The following FLG variants were observed in gnomAD, a reference collection of about 807,000 sequenced individuals.
FLG encodes filaggrin, also known as epidermal filaggrin.
In FLG, 6 loss-of-function variants were observed where a neutral mutation model predicts 3.8. That is an observed-to-expected ratio of 1.60 (90% CI 0.87 to 3.15). FLG has a LOEUF of 3.15. Among genes scored for constraint, FLG ranks in the 30% most tolerant of loss-of-function variants. The pLI is 0.00. For synonymous variants in FLG, 2,551 were observed against 1,931.6 expected, an observed-to-expected ratio of 1.32 and a Z score of -8.41; for missense variants, 7,595 against 5,050.9, an observed-to-expected ratio of 1.50 and a Z score of -15.27.
In FLG at chr1:152,309,266, A is replaced by AT. The variant is rs1652217902; in HGVS notation, c.5619dup (p.Ser1874IlefsTer14). ...CCTGAGTGCCTGGAGCCGTCTCCTG[A>AT]TTGTTTCTCATTACGTGTTTGTCTG... On this transcript the variant is annotated frameshift_variant, in exon 3 of 3. Coordinates refer to ENST00000368799, the MANE Select transcript of FLG (RefSeq NM_002016.2). LOFTEE classifies it low-confidence loss of function (END_TRUNC). 26 of 1,612,088 alleles carry AT rather than the reference A, an allele frequency of 1.6e-5. No individual in the cohort carries two copies. The highest frequency in any genetic ancestry group is 2.0e-5 in the Non-Finnish European group (24 of 1,179,544).
In FLG at chr1:152,305,083, G is replaced by A. The variant is rs546424102; in HGVS notation, c.9803C>T (p.Ala3268Val). ...HEDRAGHGHS[A>V]DRSRQSGTRH... ...AGTGCCTGATTGTCTGGAGCGGTCT[G>A]CAGAGTGCCCGTGACCGGCTCTGTC... is the stretch of plus-strand genomic sequence containing the variant. The change falls in exon 3 of 3, where the codon GCA (alanine) becomes GTA (valine). Residue 3268 changes from alanine (A) to valine (V), a missense_variant. Physicochemically the swap from Ala to Val is moderately conservative, Grantham distance 64. Transcript: ENST00000368799. 6.2e-7 allele frequency: 1 copy of A among 1,613,920 alleles called. No homozygotes were observed. The highest frequency in any genetic ancestry group is 2.2e-5 in the East Asian group (1 of 44,852).
chr1:152,319,065 GA>G (rs1181657635), intron 1 of FLG, among the ~76,000 whole-genome samples: 1 of 151,616 alleles, frequency 6.6e-6, no homozygotes, highest in African/African-American at 2.4e-5. Flanking sequence ...TAGAGATATA[GA>G]AAAAGACCAA....
In FLG at chr1:152,312,448, C is replaced by T. The variant is rs200198610; in HGVS notation, c.2438G>A (p.Ser813Asn). 3 of 1,613,698 alleles carry T rather than the reference C, an allele frequency of 1.9e-6. No homozygotes were observed. Among genetic ancestry groups the T allele is most frequent in the African/African-American group, 1.3e-5 (1 of 74,874 alleles). The change falls in exon 3 of 3, where the codon AGC becomes AAC. Residue 813 changes from serine to asparagine, a missense_variant. Coordinates refer to ENST00000368799, the MANE Select transcript of FLG (RefSeq NM_002016.2). ...SESSHGWTGP[S>N]TGVRQGSHHE... ...GTGGGATCCTTGTCTTACTCCAGTG[C>T]TGGGCCCTGTCCATCCATGGGAGGA...
chr1:152,314,325 C>T lies in FLG; in HGVS notation c.561G>A (p.Lys187=), dbSNP rs146383574. ...TGTCTCCTAATCTAGTATTTTCAGT[C>T]TTGTTTTTCTCTTTTTTACTTGAGT... is the stretch of plus-strand genomic sequence containing the variant. The part of the protein sequence containing the change: ...HHNSSKKEKN[K]TENTRLGDNR... Residue 187 remains lysine (K), a synonymous_variant, in exon 3 of 3, where the codon AAG becomes AAA. Transcript: ENST00000368799. 9.4e-4 allele frequency: 1,515 copies of T among 1,612,886 alleles called. 1 individual carries two copies. Among genetic ancestry groups the T allele is most frequent in the Non-Finnish European group, 1.2e-3 (1,371 of 1,179,768 alleles).
chr1:152,310,073 C>T lies in FLG; in HGVS notation c.4813G>A (p.Glu1605Lys), dbSNP rs773221702. The change falls in exon 3 of 3, where the codon GAA (glutamate) becomes AAA (lysine). Residue 1605 changes from glutamate (E) to lysine (K), a missense_variant. Coordinates refer to ENST00000368799, the MANE Select transcript of FLG (RefSeq NM_002016.2). Reference protein sequence around the residue: ...SQDRDSEGHSEDSERRSESAS... With the variant: ...SQDRDSEGHSKDSERRSESAS... ...GACTCAGACCGCCTCTCAGAGTCTT[C>T]TGAGTGTCCCTCACTGTCCCTGTCC... 1 of 1,614,028 alleles carries T rather than the reference C, an allele frequency of 6.2e-7. No individual in the cohort carries two copies. The highest frequency in any genetic ancestry group is 1.7e-5 in the Admixed American group (1 of 60,008).
Position 152,309,914 on chromosome 1 carries a change from C to T in FLG, c.4972G>A (p.Ala1658Thr), listed in dbSNP as rs1267976615. The T allele has an allele frequency of 3.7e-6, 6 of 1,613,918 alleles. No homozygotes were observed. The highest frequency in any genetic ancestry group is 2.7e-5 in the African/African-American group (2 of 74,846). The change falls in exon 3 of 3, where the codon GCA becomes ACA. Residue 1658 changes from alanine to threonine, a missense_variant. Physicochemically the swap from Ala to Thr is moderately conservative, Grantham distance 58. Coordinates refer to ENST00000368799, the MANE Select transcript of FLG (RefSeq NM_002016.2). ...ESSRQSGTRHAETSSGGQAAS... is the reference protein window; with the variant it reads ...ESSRQSGTRHTETSSGGQAAS... ...GCCTGTCCACCAGAGGAAGTCTCTG[C>T]ATGACGAGTGCCTGATTGTCTGGAG...
Position 152,314,039 on chromosome 1 carries a change from G to A in FLG, c.847C>T (p.Pro283Ser). The change falls in exon 3 of 3, where the codon CCA becomes TCA. Residue 283 changes from proline (P) to serine (S), a missense_variant. By Grantham distance (74) the Pro-to-Ser change is moderately conservative. Transcript: ENST00000368799. ...RSRHENTSQV[P>S]LQESRTRKRR... Reference sequence around the variant, plus strand: ...TTTCTTGTCCTGGACTCCTGCAATGGTACCTGGCTTGTATTTTCATGTCTT... The same window carrying A: ...TTTCTTGTCCTGGACTCCTGCAATGATACCTGGCTTGTATTTTCATGTCTT... The A allele has an allele frequency of 3.1e-6, 5 of 1,614,142 alleles. No homozygotes were observed. Among genetic ancestry groups the A allele is most frequent in the Non-Finnish European group, 4.2e-6 (5 of 1,180,012 alleles).
chr1:152,310,879 G>A lies in FLG; in HGVS notation c.4007C>T (p.Ser1336Phe). 1 of 1,614,046 alleles carries A rather than the reference G, an allele frequency of 6.2e-7. No individual in the cohort carries two copies. The highest frequency in any genetic ancestry group is 8.5e-7 in the Non-Finnish European group (1 of 1,179,994). Reference protein sequence around the residue: ...SRQSGTHHTESSSHGQAVSSH... With the variant: ...SRQSGTHHTEFSSHGQAVSSH... ...TGACACAGCCTGTCCATGAGAGGAA[G>A]ACTCTGTGTGATGAGTGCCTGATTG... Residue 1336 changes from serine to phenylalanine, a missense_variant, in exon 3 of 3, where the codon TCT (serine) becomes TTT (phenylalanine). Ser to Phe is a radical substitution (Grantham distance 155). Transcript: ENST00000368799.
At position 152,305,086 on chromosome 1, in the gene FLG, G is replaced by T. The variant is rs1651867019; in HGVS notation, c.9800C>A (p.Ser3267Tyr). The change falls in exon 3 of 3, where the codon TCT (serine) becomes TAT (tyrosine). Residue 3267 changes from serine to tyrosine, a missense_variant. Ser to Tyr is a moderately radical substitution (Grantham distance 144, BLOSUM62 -2). Coordinates refer to ENST00000368799, the MANE Select transcript of FLG (RefSeq NM_002016.2). ...GCCTGATTGTCTGGAGCGGTCTGCA[G>T]AGTGCCCGTGACCGGCTCTGTCTTC... Reference protein sequence around the residue: ...HHEDRAGHGHSADRSRQSGTR... With the variant: ...HHEDRAGHGHYADRSRQSGTR... 2 of 1,613,936 alleles carry T rather than the reference G, an allele frequency of 1.2e-6. No homozygotes were observed.
intron 1 of FLG, among the ~76,000 whole-genome samples, chr1:152,316,366 T>A (rs1454485767): frequency 1.3e-5 from 2 of 152,008 alleles, no homozygotes; most frequent in African/African-American, 2.4e-5. Flanking sequence ...AATTTATAAT[T>A]TCTAAACCAT....
At chr1:152,320,466 T>C (rs750398951) in intron 1 of FLG, among the ~76,000 whole-genome samples, 19 of 151,028 alleles carry the variant, frequency 1.3e-4, no homozygotes, top group Non-Finnish European at 1.8e-4. Context: ...GTTATTATTA[T>C]ATTCATATCT....
rs762809630 is a variant in FLG at position 152,312,567 on chromosome 1, C to G, written c.2319G>C (p.Gln773His). 6.2e-7 allele frequency: 1 copy of G among 1,613,774 alleles called. No individual in the cohort carries two copies. Among genetic ancestry groups the G allele is most frequent in the Non-Finnish European group, 8.5e-7 (1 of 1,179,960 alleles). ...SGHGQAGHHQ[Q>H]SHQESARDRS... ...GGTCACGTGCGGACTCTTGGTGGCT[C>G]TGCTGATGGTGACCAGCCTGTCCAT... The change falls in exon 3 of 3, where the codon CAG becomes CAC. Residue 773 changes from glutamine to histidine, a missense_variant. Physicochemically the swap from Gln to His is conservative, Grantham distance 24. Transcript: ENST00000368799.
intron 1 of FLG, among the ~76,000 whole-genome samples, chr1:152,317,703 C>T (rs1652833117): frequency 6.6e-6 from 1 of 152,080 alleles, no homozygotes; most frequent in Admixed American, 6.6e-5. Context: ...TGGCAACTCA[C>T]AAGTTTATAC....
rs138488969 is a variant in FLG, at chr1:152,307,634, C to G, written c.7252G>C (p.Val2418Leu). 6 of 1,613,392 alleles carry G rather than the reference C, an allele frequency of 3.7e-6. No individual in the cohort carries two copies. Among genetic ancestry groups the G allele is most frequent in the East Asian group, 4.5e-5 (2 of 44,830 alleles). Residue 2418 changes from valine (V) to leucine (L), a missense_variant, in exon 3 of 3, where the codon GTG becomes CTG. Physicochemically the swap from Val to Leu is conservative, Grantham distance 32. Transcript: ENST00000368799. ...GACTCAGACTGTTCATGAGTGCTCA[C>G]CTGGTAGAGGAAAGACCCTGAACGT... is the stretch of plus-strand genomic sequence containing the variant. Reference protein sequence around the residue: ...SGRSGSFLYQVSTHEQSESAH... With the variant: ...SGRSGSFLYQLSTHEQSESAH...
chr1:152,315,780 G>A (rs1475699265), intron 1 of FLG, among the ~76,000 whole-genome samples: 1 of 152,074 alleles, frequency 6.6e-6, no homozygotes, highest in Admixed American at 6.5e-5. Context: ...GCCATTGCTA[G>A]CAACAAGAAT....
rs757628024 is a variant in FLG at position 152,308,899 on chromosome 1, T to C, written c.5987A>G (p.Gln1996Arg). 6.2e-7 allele frequency: 1 copy of C among 1,614,186 alleles called. No individual in the cohort carries two copies. The highest frequency in any genetic ancestry group is 2.2e-5 in the East Asian group (1 of 44,880). Residue 1996 changes from glutamine (Q) to arginine (R), a missense_variant, in exon 3 of 3, where the codon CAG (glutamine) becomes CGG (arginine). Physicochemically the swap from Gln to Arg is conservative, Grantham distance 43 (BLOSUM62 1). Transcript: ENST00000368799. ...TCTTTCTCCTGCACTTGATCTTGCC[T>C]GTTCATGGGATGACGCAGCCTGTCC... ...SRGQAASSHEQARSSAGERHG... is the reference protein window; with the variant it reads ...SRGQAASSHERARSSAGERHG...
In FLG at chr1:152,305,993, A is replaced by C. The variant is rs1384967139; in HGVS notation, c.8893T>G (p.Ser2965Ala). ...CTTGATCTTGCCTGTTCATGGGATG[A>C]TGCAGCCTGTCCACCAGAGGAAGTC... ...TQTSSGGQAASSHEQARSSAG... is the reference protein window; with the variant it reads ...TQTSSGGQAAASHEQARSSAG... Residue 2965 changes from serine (S) to alanine (A), a missense_variant, in exon 3 of 3, where the codon TCA becomes GCA. Coordinates refer to ENST00000368799, the MANE Select transcript of FLG (RefSeq NM_002016.2). 3 of 1,576,838 alleles carry C rather than the reference A, an allele frequency of 1.9e-6. 1 individual carries two copies. The highest frequency in any genetic ancestry group is 4.1e-4 in the Middle Eastern group (2 of 4,936).
chr1:152,318,506 C>T (rs919360825), intron 1 of FLG, among the ~76,000 whole-genome samples: 3 of 151,698 alleles, frequency 2.0e-5, no homozygotes, highest in Admixed American at 2.0e-4. Context: ...TCTTTACTAA[C>T]CTCTCTTCTA....
Position 152,304,571 on chromosome 1 carries a change from C to G in FLG, c.10315G>C (p.Gly3439Arg). 1 of 1,610,152 alleles carries G rather than the reference C, an allele frequency of 6.2e-7. No homozygotes were observed. ...CCCTGCCTTCCTCTTCTGCTTGACCCCGGGTGTCCACGAATGGTGTCCTGA... is the reference window on the plus strand; with the variant it reads ...CCCTGCCTTCCTCTTCTGCTTGACCGCGGGTGTCCACGAATGGTGTCCTGA... ...EGQDTIRGHP[G>R]SSRRGRQGSH... Residue 3439 changes from glycine (G) to arginine (R), a missense_variant, in exon 3 of 3, where the codon GGG becomes CGG. Transcript: ENST00000368799.
Sources: allele counts gnomAD v4.1 joint callset (sites outside exome capture counted in the v4.1 genomes callset), GRCh38; gene constraint gnomAD v4.1.1; transcripts MANE v1.5; gene names NCBI Gene and HGNC (gene_info 2026-07-23, HGNC 2026-07-21).